KLHL4: variants seen among roughly 807,000 people sequenced by gnomAD.
KLHL4 encodes the protein kelch like family member 4.
Under a neutral mutation model 45.8 loss-of-function variants are expected in KLHL4, and 17 were observed. The ratio of observed to expected loss-of-function variants is 0.37; its 90% CI spans 0.25 to 0.56. The LOEUF (loss-of-function observed/expected upper bound fraction) is 0.56, where lower values mean the gene tolerates loss of function less well. Among genes scored for constraint, KLHL4 ranks in the 20% least tolerant of loss-of-function variants. The pLI is 0.79. For missense variants in KLHL4, 544 were observed against 544.9 expected (o/e 1.00, Z 0.02); for synonymous variants, 224 against 189.9 (o/e 1.18, Z -1.47).
chrX:87,617,047 A>G (rs1922580448), intron 3 of KLHL4, among the ~76,000 whole-genome samples: 1 of 111,859 alleles, frequency 8.9e-6, no homozygotes, highest in African/African-American at 3.2e-5. Context: ...TGGCTAAAAC[A>G]ATAAAAAGTA....
intron 1 of KLHL4, among the ~76,000 whole-genome samples, chrX:87,555,154 A>T (rs944593005): frequency 9.6e-6 from 1 of 103,769 alleles, no homozygotes; most frequent in African/African-American, 3.5e-5. Flanking sequence ...ATCAATGTTC[A>T]TCAAGGATAT....
intron 9 of KLHL4, among the ~76,000 whole-genome samples, chrX:87,636,509 G>C (rs997962844): frequency 1.8e-5 from 2 of 111,705 alleles, no homozygotes; most frequent in African/African-American, 6.5e-5. Context: ...GGATTGCTGC[G>C]CAGGGATAGC....
intron 9 of KLHL4, among the ~76,000 whole-genome samples, chrX:87,638,799 T>C (rs1336992210): frequency 9.0e-6 from 1 of 111,408 alleles, no homozygotes; most frequent in South Asian, 3.8e-4. Flanking sequence ...TACCAAGGTA[T>C]TCAGGCAATT....
At chrX:87,639,263 C>T (rs982166779) in intron 9 of KLHL4, among the ~76,000 whole-genome samples, 2 of 111,223 alleles carry the variant, frequency 1.8e-5, no homozygotes, top group Non-Finnish European at 3.8e-5. Context: ...GACTTCAGTA[C>T]TCCATTCACA....
At chrX:87,604,899 G>A (rs962269496) in intron 1 of KLHL4, among the ~76,000 whole-genome samples, 1 of 110,941 alleles carries the variant, frequency 9.0e-6, no homozygotes, top group Non-Finnish European at 1.9e-5. Flanking sequence ...TAATACTTTT[G>A]AGTGTTATAT....
intron 10 of KLHL4, among the ~76,000 whole-genome samples, chrX:87,665,587 G>A (rs1025733131): frequency 6.3e-5 from 7 of 111,858 alleles, no homozygotes; most frequent in Non-Finnish European, 1.1e-4. Context: ...CCTTTTGACT[G>A]CTTTGCCAGT....
At chrX:87,548,130 A>G (rs928245763) in intron 1 of KLHL4, among the ~76,000 whole-genome samples, 8 of 111,780 alleles carry the variant, frequency 7.2e-5, no homozygotes, top group Non-Finnish European at 1.5e-4. Context: ...AACAAATAAC[A>G]TACAATGGAG....
chrX:87,627,475 C>T lies in KLHL4; in HGVS notation c.1324+1679C>T, dbSNP rs1416213627. Among the ~76,000 whole-genome samples, 3 of 111,283 alleles carry T rather than the reference C, an allele frequency of 2.7e-5. No homozygotes were observed. In the East Asian group the frequency reaches 8.5e-4, roughly 32 times the overall value. The stretch of plus-strand genomic sequence containing the variant: ...TAACAATGCTTATTAATCATAAGCC[C>T]ATAAAACAAGAGATTGCAAATGCAA... On this transcript the variant is annotated intron_variant, in intron 6 of 10. Coordinates refer to ENST00000373119, the MANE Select transcript of KLHL4 (RefSeq NM_019117.5).
intron 1 of KLHL4, among the ~76,000 whole-genome samples, chrX:87,536,093 G>A (rs930392068): frequency 8.1e-5 from 9 of 110,965 alleles, no homozygotes; most frequent in Admixed American, 7.8e-4. Context: ...ATGCAAGAAC[G>A]AACTAATACA....
intron 1 of KLHL4, among the ~76,000 whole-genome samples, chrX:87,561,825 A>G (rs1413312407): frequency 1.8e-5 from 2 of 109,560 alleles, no homozygotes; most frequent in Non-Finnish European, 1.9e-5. Context: ...AGTAAAATAA[A>G]TCACCAAGCA....
At chrX:87,552,884 A>C (rs1174386004) in intron 1 of KLHL4, among the ~76,000 whole-genome samples, 2 of 110,128 alleles carry the variant, frequency 1.8e-5, no homozygotes, top group Non-Finnish European at 3.8e-5. Flanking sequence ...AAGAATTACT[A>C]TCTGATAGCA....
chrX:87,569,420 A>G (rs1228093945), intron 1 of KLHL4, among the ~76,000 whole-genome samples: 4 of 111,369 alleles, frequency 3.6e-5, no homozygotes, highest in Non-Finnish European at 5.7e-5. Flanking sequence ...AAGCTCCTCA[A>G]AAAGTCAAAT....
At chrX:87,590,366 G>T (rs1165214711) in intron 1 of KLHL4, among the ~76,000 whole-genome samples, 1 of 110,978 alleles carries the variant, frequency 9.0e-6, no homozygotes, top group Admixed American at 9.6e-5. Context: ...AGAAATGAAA[G>T]ACATCCTGTA....
intron 1 of KLHL4, among the ~76,000 whole-genome samples, chrX:87,522,792 C>A (rs369217588): frequency 1.8e-5 from 2 of 112,142 alleles, no homozygotes; most frequent in African/African-American, 6.5e-5. Flanking sequence ...TGATTCCTAA[C>A]ATTTTTAGAG....
At chrX:87,632,487 TA>T (rs1923129743) in intron 7 of KLHL4, 53 bp downstream of exon 7, 1 of 833,619 alleles carries the variant, frequency 1.2e-6, no homozygotes, top group African/African-American at 2.0e-5. Context: ...GTAGAGTTTT[TA>T]AAAATTAAAT....
At chrX:87,562,483 C>A (rs1932119028) in intron 1 of KLHL4, among the ~76,000 whole-genome samples, 1 of 106,817 alleles carries the variant, frequency 9.4e-6, no homozygotes, top group Admixed American at 1.0e-4. Flanking sequence ...GTAGTAGTAT[C>A]CATGGCACTG....
intron 9 of KLHL4, among the ~76,000 whole-genome samples, 167 bp from the exon 10 acceptor site, chrX:87,664,597 T>C (rs1365799414): frequency 8.9e-6 from 1 of 112,076 alleles, no homozygotes; most frequent in Non-Finnish European, 1.9e-5. Flanking sequence ...TGGCTGAAGG[T>C]AATTTTGTCA....
chrX:87,647,526 T>C (rs890129359), intron 9 of KLHL4, among the ~76,000 whole-genome samples: 4 of 111,340 alleles, frequency 3.6e-5, no homozygotes, highest in African/African-American at 9.8e-5. Context: ...ATAAAGAAAA[T>C]GGGATATATG....
intron 1 of KLHL4, among the ~76,000 whole-genome samples, chrX:87,577,127 A>G (rs925316963): frequency 8.9e-6 from 1 of 112,000 alleles, no homozygotes; most frequent in Non-Finnish European, 1.9e-5. Context: ...ACACTGCATT[A>G]GATTACAACA....
Sources: allele counts gnomAD v4.1 joint callset (sites outside exome capture counted in the v4.1 genomes callset), GRCh38; gene constraint gnomAD v4.1.1; transcripts MANE v1.5; gene names NCBI Gene and HGNC (gene_info 2026-07-23, HGNC 2026-07-21).